The following KLHL29 variants were observed in gnomAD, a reference collection of about 807,000 sequenced individuals.
The protein encoded by KLHL29 is kelch like family member 29.
A neutral mutation model predicts 80.4 loss-of-function variants in KLHL29; 21 were observed. The observed-to-expected ratio is 0.26, with a 90% CI of 0.19 to 0.38. KLHL29 has a LOEUF of 0.38. Among genes scored for constraint, KLHL29 ranks in the 10% least tolerant of loss-of-function variants. The pLI, the probability that KLHL29 is intolerant of heterozygous loss-of-function variation, is 1.00. For missense variants in KLHL29, 867 were observed against 1,223.9 expected (o/e 0.71, Z 4.35); for synonymous variants, 511 against 526.8 (o/e 0.97, Z 0.41).
rs116001712 is a variant in KLHL29, at chr2:23,591,833, G to A, written c.285+29352G>A. 3.3e-3 allele frequency among the ~76,000 whole-genome samples: 496 copies of A among 152,112 alleles called. 3 individuals are homozygous for A. Among genetic ancestry groups the A allele is most frequent in the African/African-American group, 0.011 (473 of 41,478 alleles). On this transcript the variant is annotated intron_variant, in intron 3 of 13. Coordinates refer to ENST00000486442, the MANE Select transcript of KLHL29 (RefSeq NM_052920.2). ...TGCCCACACCCACCCGCCCCTCAGGGCAGCCCCCCTGGGAGCGGTGCACAT... is the reference window on the plus strand; with the variant it reads ...TGCCCACACCCACCCGCCCCTCAGGACAGCCCCCCTGGGAGCGGTGCACAT...
intron 2 of KLHL29, among the ~76,000 whole-genome samples, chr2:23,561,042 AG>A (rs1667432912): frequency 6.6e-6 from 1 of 152,200 alleles, no homozygotes; most frequent in East Asian, 1.9e-4. Context: ...ACTGGAAAAC[AG>A]TTGGAGAATG....
intron 3 of KLHL29, among the ~76,000 whole-genome samples, chr2:23,583,667 C>G (rs752652508): frequency 6.6e-6 from 1 of 152,088 alleles, no homozygotes; most frequent in African/African-American, 2.4e-5. Flanking sequence ...TAAAGGGAGC[C>G]GACATTGGGA....
chr2:23,508,900 G>T (rs1188672114), intron 2 of KLHL29, among the ~76,000 whole-genome samples: 1 of 152,212 alleles, frequency 6.6e-6, no homozygotes, highest in East Asian at 1.9e-4. Context: ...AGCTAGACCG[G>T]GTGGTTTCAA....
At chr2:23,582,007 A>G (rs1667996268) in intron 3 of KLHL29, among the ~76,000 whole-genome samples, 2 of 152,004 alleles carry the variant, frequency 1.3e-5, no homozygotes, top group South Asian at 2.1e-4. Context: ...TCTCCATCTG[A>G]GTCCAACCCT....
chr2:23,413,000 A>G (rs966783477), intron 1 of KLHL29, among the ~76,000 whole-genome samples: 4 of 152,132 alleles, frequency 2.6e-5, no homozygotes, highest in African/African-American at 9.7e-5. Flanking sequence ...GATGTTTTTG[A>G]CATTTGAAGA....
In KLHL29 at chr2:23,703,801, C is replaced by A; in HGVS notation, c.2382C>A (p.Tyr794Ter). Residue 794 changes from tyrosine to a stop codon, truncating the protein, a stop_gained, in exon 13 of 14, where the codon TAC becomes TAA. Coordinates refer to ENST00000486442, the MANE Select transcript of KLHL29 (RefSeq NM_052920.2). LOFTEE classifies it high-confidence loss of function. ...CTTATGCCAGAGCTACCACCATCTA[C>A]GACCCTGAGAAAGGAAACATTAAGG... ...GGAYARATTI[Y>*]DPEKGNIKAG... is the part of the protein sequence containing the mutation. 6.5e-7 allele frequency: 1 copy of A among 1,537,492 alleles called. No individual in the cohort carries two copies. The highest frequency in any genetic ancestry group is 8.7e-7 in the Non-Finnish European group (1 of 1,146,970).
At position 23,682,737 on chromosome 2, in the gene KLHL29, G is replaced by A. The variant is rs1163537414; in HGVS notation, c.941-1662G>A. On this transcript the variant is annotated intron_variant, in intron 5 of 13. Transcript: ENST00000486442. This position sits in a 1 kb window ranked among gnomAD's most constrained non-coding sequence, Gnocchi z 4.1. The stretch of plus-strand genomic sequence containing the variant: ...TGGTGCTCTGAGCCTGTTGGTCTCT[G>A]TCTGTAGCTCCCACCCCCCTTGCTC... Among the ~76,000 whole-genome samples the A allele has an allele frequency of 1.3e-5, 2 of 151,848 alleles. No individual in the cohort carries two copies. Among genetic ancestry groups the A allele is most frequent in the African/African-American group, 4.8e-5 (2 of 41,300 alleles).
intron 1 of KLHL29, among the ~76,000 whole-genome samples, chr2:23,469,527 C>T (rs1297394469): frequency 6.6e-6 from 1 of 152,174 alleles, no homozygotes. Context: ...GGAGAAGCAA[C>T]ATCTGGGAAG....
At chr2:23,510,878 G>C (rs888232692) in intron 2 of KLHL29, among the ~76,000 whole-genome samples, 10 of 152,212 alleles carry the variant, frequency 6.6e-5, no homozygotes, top group Non-Finnish European at 1.5e-4. Context: ...TCACTGCCCT[G>C]GGGTGGGAAT....
At chr2:23,509,712 C>T (rs973495822) in intron 2 of KLHL29, among the ~76,000 whole-genome samples, 4 of 152,112 alleles carry the variant, frequency 2.6e-5, no homozygotes, top group East Asian at 3.9e-4. Context: ...TATTAAAACT[C>T]GAGTAATCCT....
intron 7 of KLHL29, among the ~76,000 whole-genome samples, chr2:23,692,170 T>G (rs889358450): frequency 6.6e-6 from 1 of 152,274 alleles, no homozygotes; most frequent in Non-Finnish European, 1.5e-5. Context: ...GGGCTGTGCA[T>G]GTGCTCTGTT....
At chr2:23,597,375 G>T (rs58501633) in intron 3 of KLHL29, among the ~76,000 whole-genome samples, 2 of 21,652 alleles carry the variant, frequency 9.2e-5, no homozygotes, top group East Asian at 9.9e-4. Flanking sequence ...ATATATATGT[G>T]TGTGTGTGTA....
chr2:23,614,975 A>C (rs992180375), intron 3 of KLHL29, among the ~76,000 whole-genome samples: 1 of 152,232 alleles, frequency 6.6e-6, no homozygotes, highest in South Asian at 2.1e-4. Context: ...CGCCTCCAGC[A>C]AAACAAGACT....
chr2:23,544,079 CAT>C (rs2103485166), intron 2 of KLHL29, among the ~76,000 whole-genome samples: 1 of 152,284 alleles, frequency 6.6e-6, no homozygotes, highest in African/African-American at 2.4e-5. Flanking sequence ...ATTTCTTTGA[CAT>C]AACCTGACTG....
Position 23,465,130 on chromosome 2 carries a change from A to T in KLHL29, c.-153-10430A>T, listed in dbSNP as rs771192028. On this transcript the variant is annotated intron_variant, in intron 1 of 13. Transcript: ENST00000486442. ...ATTTGACACGGCCTCTACTGTGGGG[A>T]TGAGCAAACTCGAGGTCTCGTACTG... Among the ~76,000 whole-genome samples, 53 of 152,220 alleles carry T rather than the reference A, an allele frequency of 3.5e-4. 1 individual carries two copies. The highest frequency in any genetic ancestry group is 6.6e-4 in the Non-Finnish European group (45 of 68,008).
At position 23,671,108 on chromosome 2, in the gene KLHL29, G is replaced by A. The variant is rs921378829; in HGVS notation, c.941-13291G>A. Among the ~76,000 whole-genome samples the A allele has an allele frequency of 6.0e-5, 9 of 150,552 alleles. 1 individual carries two copies. The highest frequency in any genetic ancestry group is 2.1e-4 in the South Asian group (1 of 4,724). ...GAGCTGTCATTAGCTCCTGGCATCTGGGGTTTCCATTTCATTTCCCTCTTT... is the reference window on the plus strand; with the variant it reads ...GAGCTGTCATTAGCTCCTGGCATCTAGGGTTTCCATTTCATTTCCCTCTTT... On this transcript the variant is annotated intron_variant, in intron 5 of 13. Coordinates refer to ENST00000486442, the MANE Select transcript of KLHL29 (RefSeq NM_052920.2).
At chr2:23,535,942 A>G (rs1221449208) in intron 2 of KLHL29, among the ~76,000 whole-genome samples, 1 of 152,248 alleles carries the variant, frequency 6.6e-6, no homozygotes. Context: ...TAAAAAGAAT[A>G]AAGAAGAGCA....
At chr2:23,415,636 TTTG>T (rs1031208753) in intron 1 of KLHL29, among the ~76,000 whole-genome samples, 2 of 152,068 alleles carry the variant, frequency 1.3e-5, no homozygotes, top group Non-Finnish European at 2.9e-5. Context: ...GAGGTCCTGT[TTTG>T]TTGTTGTTGT....
chr2:23,514,289 AC>A (rs762400119), intron 2 of KLHL29, among the ~76,000 whole-genome samples: 8 of 152,008 alleles, frequency 5.3e-5, no homozygotes, highest in Admixed American at 3.9e-4. Flanking sequence ...AGTTCTTGGA[AC>A]CCTCAGGGCT....
Sources: gnomAD v4.1 joint callset for allele counts (sites outside exome capture counted in the v4.1 genomes callset) on GRCh38, gnomAD v4.1.1 for gene constraint, Gnocchi (gnomAD v3.1) non-coding constraint, MANE v1.5 for transcripts, NCBI Gene and HGNC (gene_info 2026-07-23, HGNC 2026-07-21) for gene names.